THADA: variants seen among roughly 807,000 people sequenced by gnomAD.
The protein encoded by THADA is tRNA (32-2'-O)-methyltransferase regulator THADA.
THADA carries 213 observed loss-of-function variants against 219.8 expected under a neutral mutation model. The observed-to-expected ratio is 0.97, with a 90% CI of 0.87 to 1.09. The LOEUF is 1.09. Ranked by LOEUF, THADA falls within the 50% of genes least tolerant of loss-of-function variation. The probability of loss-of-function intolerance (pLI) is 0.00; values close to 1 mark genes in which losing one functional copy is unlikely to be tolerated. For synonymous variants in THADA, 1,018 were observed against 828.9 expected, an observed-to-expected ratio of 1.23 and a Z score of -3.92; for missense variants, 2,956 against 2,311.3, an observed-to-expected ratio of 1.28 and a Z score of -5.72.
At chr2:43,453,543 G>GT in intron 26 of THADA, among the ~76,000 whole-genome samples, 1 of 152,320 alleles carries the variant, frequency 6.6e-6, no homozygotes, top group Admixed American at 6.5e-5. Context: ...GCTGGCAGCA[G>GT]TAAGTAGGTT....
At chr2:43,279,743 C>A (rs1408703795) in intron 36 of THADA, 22 bp downstream of exon 36, 13 of 1,543,114 alleles carry the variant, frequency 8.4e-6, no homozygotes, top group Non-Finnish European at 1.0e-5. Context: ...TAAGACAATG[C>A]AAAAGGATAA....
Position 43,560,193 on chromosome 2 carries a change from T to G in THADA, c.2463+41A>C, listed in dbSNP as rs770828034. On this transcript the variant is annotated intron_variant, in intron 16 of 37. Coordinates refer to ENST00000405975, the MANE Select transcript of THADA (RefSeq NM_022065.5). Reference sequence around the variant, plus strand: ...TTGCTTTATCTGCTGATAGAAAGTTTCCATGCATATACCACATTTATACTA... The same window carrying G: ...TTGCTTTATCTGCTGATAGAAAGTTGCCATGCATATACCACATTTATACTA... 3.9e-6 allele frequency: 6 copies of G among 1,554,100 alleles called. No individual in the cohort carries two copies. The African/African-American group carries it at 5.5e-5, about 14-fold the overall frequency.
chr2:43,332,811 T>G (rs1431420778), intron 30 of THADA, among the ~76,000 whole-genome samples: 2 of 152,204 alleles, frequency 1.3e-5, no homozygotes, highest in Non-Finnish European at 2.9e-5. Context: ...TTGAACTAAC[T>G]GCCATCTCCA....
intron 22 of THADA, among the ~76,000 whole-genome samples, chr2:43,510,886 G>A (rs533900176): frequency 5.3e-5 from 8 of 151,648 alleles, no homozygotes; most frequent in South Asian, 2.1e-4. Context: ...CAGGAGAATC[G>A]CTTGAACTCA....
intron 28 of THADA, among the ~76,000 whole-genome samples, chr2:43,405,728 A>G (rs1452759292): frequency 6.6e-6 from 1 of 152,226 alleles, no homozygotes; most frequent in Non-Finnish European, 1.5e-5. Flanking sequence ...GGAGAAAATA[A>G]GAGCTGTAGA....
At chr2:43,342,849 A>T (rs1298342977) in intron 30 of THADA, among the ~76,000 whole-genome samples, 1 of 152,162 alleles carries the variant, frequency 6.6e-6, no homozygotes, top group East Asian at 1.9e-4. Flanking sequence ...TTGTTGAATT[A>T]AACTGATTTG....
intron 36 of THADA, among the ~76,000 whole-genome samples, chr2:43,261,746 C>T (rs571967174): frequency 1.3e-4 from 20 of 151,648 alleles, no homozygotes; most frequent in African/African-American, 4.8e-4. Flanking sequence ...AAGCGATTCT[C>T]TTGCTTCAGC....
chr2:43,248,152 TATATATATATATAGAGAGAGAGAG>T (rs1237541151), intron 36 of THADA, among the ~76,000 whole-genome samples: 316 of 89,336 alleles, frequency 3.5e-3, no homozygotes, highest in African/African-American at 7.3e-3. Flanking sequence ...TATATATATA[TATATATATATATAGAGAGAGAGAG>T]AGAGAGAGAG....
intron 9 of THADA, among the ~76,000 whole-genome samples, chr2:43,578,046 AT>A (rs1427156236): frequency 6.6e-6 from 1 of 152,060 alleles, no homozygotes; most frequent in Non-Finnish European, 1.5e-5. Context: ...TTGTTGCTTT[AT>A]CTGAATTTTT....
chr2:43,522,370 C>T (rs1558905718), intron 22 of THADA, among the ~76,000 whole-genome samples: 2 of 152,106 alleles, frequency 1.3e-5, no homozygotes, highest in South Asian at 4.1e-4. Flanking sequence ...GAAGACTTAG[C>T]TGCAGGCACA....
chr2:43,284,698 C>A (rs773495283), intron 35 of THADA, among the ~76,000 whole-genome samples: 1 of 152,172 alleles, frequency 6.6e-6, no homozygotes, highest in African/African-American at 2.4e-5. Flanking sequence ...AGAGGACCAC[C>A]GTCCTCCAGA....
At chr2:43,473,619 T>C (rs1044492106) in intron 26 of THADA, among the ~76,000 whole-genome samples, 13 of 148,766 alleles carry the variant, frequency 8.7e-5, no homozygotes, top group African/African-American at 3.2e-4. Context: ...CATGTTAGGC[T>C]TTTTTTTTTG....
chr2:43,289,191 T>C (rs6544641), intron 34 of THADA, among the ~76,000 whole-genome samples: 48,159 of 152,154 alleles, frequency 0.32, 8,825 homozygotes, highest in African/African-American at 0.5. Context: ...TATGGATACA[T>C]TACATTTTGC....
At chr2:43,297,437 G>T (rs1426076635) in intron 31 of THADA, among the ~76,000 whole-genome samples, 1 of 99,784 alleles carries the variant, frequency 1.0e-5, no homozygotes, top group Non-Finnish European at 1.9e-5. Context: ...CACCCCGTCC[G>T]GGAGGGAGGT....
chr2:43,294,046 T>A (rs1036396238), intron 31 of THADA, among the ~76,000 whole-genome samples: 1 of 152,196 alleles, frequency 6.6e-6, no homozygotes, highest in Non-Finnish European at 1.5e-5. Context: ...CTGATGGTGG[T>A]GAGTCATCTT....
At chr2:43,293,344 G>T (rs1674973547) in intron 31 of THADA, 131 bp from the exon 32 acceptor site, 2 of 1,010,398 alleles carry the variant, frequency 2.0e-6, no homozygotes, top group African/African-American at 1.6e-5. Context: ...TTCAAACACT[G>T]TCATAAGTGA....
chr2:43,381,852 T>A (rs1672074834), intron 29 of THADA, among the ~76,000 whole-genome samples: 3 of 152,198 alleles, frequency 2.0e-5, no homozygotes, highest in African/African-American at 7.2e-5. Context: ...CCCAAAGTGC[T>A]GGGATTATGA....
chr2:43,543,985 T>C (rs1439570506), intron 20 of THADA, among the ~76,000 whole-genome samples: 1 of 152,204 alleles, frequency 6.6e-6, no homozygotes, highest in Non-Finnish European at 1.5e-5. Context: ...GGTTTTCTTC[T>C]AGGGTTTTTA....
chr2:43,595,334 A>C (rs996358870), intron 1 of THADA, among the ~76,000 whole-genome samples: 1 of 152,222 alleles, frequency 6.6e-6, no homozygotes, highest in Non-Finnish European at 1.5e-5. Context: ...CAACAGAATA[A>C]TTTGTAAAGG....
Sources: gnomAD v4.1 joint callset for allele counts (sites outside exome capture counted in the v4.1 genomes callset) on GRCh38, gnomAD v4.1.1 for gene constraint, MANE v1.5 for transcripts, NCBI Gene and HGNC (gene_info 2026-07-23, HGNC 2026-07-21) for gene names.